NEXMIF: variants seen among roughly 807,000 people sequenced by gnomAD.
NEXMIF encodes the protein neurite extension and migration factor, also known as XLMR protein related to neurite extension.
Under a neutral mutation model 62.1 loss-of-function variants are expected in NEXMIF, and 8 were observed. The observed-to-expected ratio is 0.13, with a 90% CI of 0.08 to 0.23. The LOEUF is 0.23. Among genes scored for constraint, NEXMIF ranks in the 10% least tolerant of loss-of-function variants. The pLI, the probability that NEXMIF is intolerant of heterozygous loss-of-function variation, is 1.00. For synonymous variants in NEXMIF, 404 were observed against 416.6 expected (o/e 0.97, Z 0.37); for missense variants, 976 against 1,113.3 (o/e 0.88, Z 1.75).
At chrX:74,754,331 C>A (rs1352585339) in intron 1 of NEXMIF, among the ~76,000 whole-genome samples, 1 of 94,482 alleles carries the variant, frequency 1.1e-5, no homozygotes, top group Non-Finnish European at 2.1e-5. Context: ...TTTTGTGAGA[C>A]GGAGTCTCAC....
chrX:74,866,791 G>A (rs896610387), intron 1 of NEXMIF, among the ~76,000 whole-genome samples: 1 of 112,746 alleles, frequency 8.9e-6, no homozygotes, highest in African/African-American at 3.2e-5. Flanking sequence ...CATGTCAGAT[G>A]TGCCTTTGCT....
chrX:74,859,104 AGAT>A (rs1246109868), intron 1 of NEXMIF, among the ~76,000 whole-genome samples: 1 of 111,399 alleles, frequency 9.0e-6, no homozygotes, highest in East Asian at 2.8e-4. Flanking sequence ...GTTTATTCAG[AGAT>A]AATAACAGAG....
At chrX:74,849,379 A>C (rs2080505241) in intron 1 of NEXMIF, among the ~76,000 whole-genome samples, 1 of 112,389 alleles carries the variant, frequency 8.9e-6, no homozygotes, top group Non-Finnish European at 1.9e-5. Flanking sequence ...TCAGCAGTCC[A>C]CATTCCCACT....
intron 1 of NEXMIF, among the ~76,000 whole-genome samples, chrX:74,923,574 T>C (rs1241536911): frequency 8.9e-6 from 1 of 112,092 alleles, no homozygotes; most frequent in Non-Finnish European, 1.9e-5. Flanking sequence ...GGTCATATGT[T>C]ACCTCATGTG....
chrX:74,900,089 T>C lies in NEXMIF; in HGVS notation c.-48+24794A>G, dbSNP rs907234890. ...AATGGCAAATAAGCACAAGAGCAGATACTCAACATCTCTAGTTATTAGGGA... is the reference window on the plus strand; with the variant it reads ...AATGGCAAATAAGCACAAGAGCAGACACTCAACATCTCTAGTTATTAGGGA... On this transcript the variant is annotated intron_variant, in intron 1 of 3. Transcript: ENST00000055682. Among the ~76,000 whole-genome samples the C allele has an allele frequency of 4.5e-5, 5 of 111,477 alleles. No homozygotes were observed. In the Admixed American group the frequency reaches 4.8e-4, roughly 11 times the overall value.
chrX:74,840,515 T>C (rs1055711212), intron 1 of NEXMIF, among the ~76,000 whole-genome samples: 1 of 112,168 alleles, frequency 8.9e-6, no homozygotes, highest in East Asian at 2.8e-4. Context: ...AATTTTTGCA[T>C]TTGTTGGAAT....
In NEXMIF at chrX:74,740,243, G is replaced by T. The variant is rs775723064; in HGVS notation, c.4314C>A (p.Gly1438=). ...ACTTTTTGTGTGTCGGTCCGTTATT[G>T]CCTAAAGTGCTCATGTTACTATACT... ...DKKYSNMSTL[G]NNGPTHKKLY... Residue 1438 remains glycine (G), a synonymous_variant, in exon 3 of 4, where the codon GGC becomes GGA. Coordinates refer to ENST00000055682, the MANE Select transcript of NEXMIF (RefSeq NM_001008537.3). 3.3e-6 allele frequency: 4 copies of T among 1,211,335 alleles called. No individual in the cohort carries two copies. The highest frequency in any genetic ancestry group is 3.4e-6 in the Non-Finnish European group (3 of 895,392).
intron 1 of NEXMIF, among the ~76,000 whole-genome samples, chrX:74,834,567 C>G (rs2080450044): frequency 9.0e-6 from 1 of 111,456 alleles, no homozygotes; most frequent in Non-Finnish European, 1.9e-5. Context: ...ATATTTTCAC[C>G]AGAAATACTC....
At chrX:74,861,178 A>T (rs1362215082) in intron 1 of NEXMIF, among the ~76,000 whole-genome samples, 2 of 111,892 alleles carry the variant, frequency 1.8e-5, no homozygotes, top group Non-Finnish European at 3.8e-5. Context: ...AAAACACAAC[A>T]TAAGAACTTC....
chrX:74,843,369 T>C (rs937432197), intron 1 of NEXMIF, among the ~76,000 whole-genome samples: 2 of 111,022 alleles, frequency 1.8e-5, no homozygotes, highest in African/African-American at 6.6e-5. Context: ...AGTGTCATTA[T>C]GTGTGAGATG....
chrX:74,878,717 A>G (rs1430568000), intron 1 of NEXMIF, among the ~76,000 whole-genome samples: 1 of 112,552 alleles, frequency 8.9e-6, no homozygotes, highest in African/African-American at 3.2e-5. Flanking sequence ...GCCTGTTGGA[A>G]AAGCGCAGTA....
chrX:74,803,402 A>C (rs2080335716), intron 1 of NEXMIF, among the ~76,000 whole-genome samples: 1 of 109,530 alleles, frequency 9.1e-6, no homozygotes, highest in Admixed American at 9.8e-5. Flanking sequence ...TACAAAAATA[A>C]ATAAATAAAT....
chrX:74,840,148 C>A (rs150045472), intron 1 of NEXMIF, among the ~76,000 whole-genome samples: 1,352 of 111,964 alleles, frequency 0.012, 25 homozygotes, highest in African/African-American at 0.041. Flanking sequence ...TTTTGATTTG[C>A]ATATCTCTAA....
At chrX:74,764,333 G>A (rs1051477212) in intron 1 of NEXMIF, among the ~76,000 whole-genome samples, 1 of 111,819 alleles carries the variant, frequency 8.9e-6, no homozygotes, top group Non-Finnish European at 1.9e-5. Context: ...TGATCATGGT[G>A]GATAAGCTTT....
intron 1 of NEXMIF, among the ~76,000 whole-genome samples, chrX:74,782,830 G>T: frequency 8.9e-6 from 1 of 112,140 alleles, no homozygotes; most frequent in East Asian, 2.8e-4. Flanking sequence ...TCTGGCCTGG[G>T]TAAGGGAGGC....
chrX:74,827,841 A>C (rs765970568), intron 1 of NEXMIF, among the ~76,000 whole-genome samples: 1 of 111,968 alleles, frequency 8.9e-6, no homozygotes, highest in South Asian at 3.8e-4. Flanking sequence ...AAATCAGAAA[A>C]GACCCCTCTC....
At chrX:74,882,386 C>T (rs2080668555) in intron 1 of NEXMIF, among the ~76,000 whole-genome samples, 1 of 112,161 alleles carries the variant, frequency 8.9e-6, no homozygotes, top group Non-Finnish European at 1.9e-5. Context: ...TCAGGGAATT[C>T]CCTTTCCTAG....
rs2147441163 is a variant in NEXMIF, at chrX:74,743,412, T to C, written c.1145A>G (p.Lys382Arg). ...IWGEEDKNLD[K>R]KKGKEEGQED... ...CTGTCCTTCCTCTTTGCCTTTCTTC[T>C]TGTCCAAGTTTTTATCTTCCTCCCC... The change falls in exon 3 of 4, where the codon AAG (lysine) becomes AGG (arginine). Residue 382 changes from lysine to arginine, a missense_variant. By Grantham distance (26) the Lys-to-Arg change is conservative. Around this residue, in one of 5 missense-constraint regions of NEXMIF, gnomAD observed 639 missense variants for 694.5 expected, o/e 0.92. Coordinates refer to ENST00000055682, the MANE Select transcript of NEXMIF (RefSeq NM_001008537.3). 2 of 1,211,601 alleles carry C rather than the reference T, an allele frequency of 1.7e-6. No individual in the cohort carries two copies. Among genetic ancestry groups the C allele is most frequent in the East Asian group, 3.0e-5 (1 of 33,834 alleles).
intron 1 of NEXMIF, among the ~76,000 whole-genome samples, chrX:74,812,756 G>A (rs1374416246): frequency 9.0e-6 from 1 of 111,706 alleles, no homozygotes; most frequent in Non-Finnish European, 1.9e-5. Flanking sequence ...AGAAAAGTTT[G>A]AGAGACAGTT....
Sources: gnomAD v4.1 joint callset for allele counts (sites outside exome capture counted in the v4.1 genomes callset) on GRCh38, gnomAD v4.1.1 for gene constraint, gnomAD v4.1.1 regional missense constraint, MANE v1.5 for transcripts, NCBI Gene and HGNC (gene_info 2026-07-23, HGNC 2026-07-21) for gene names.